Variants in ZFAT observed in about 807,000 individuals in gnomAD.
ZFAT encodes the protein zinc finger and AT-hook domain containing.
A neutral mutation model predicts 117.7 loss-of-function variants in ZFAT; 64 were observed. The observed-to-expected ratio is 0.54, with a 90% CI of 0.44 to 0.67. ZFAT has a LOEUF of 0.67. ZFAT is among the 30% of genes least tolerant of loss of function. The pLI, the probability that ZFAT is intolerant of heterozygous loss-of-function variation, is 0.00. For missense variants in ZFAT, 1,433 were observed against 1,584.5 expected (o/e 0.90, Z 1.62); for synonymous variants, 679 against 615.0 (o/e 1.10, Z -1.54).
rs116972468 is a variant in ZFAT at position 134,497,020 on chromosome 8, T to A, written c.3492+12599A>T. On this transcript the variant is annotated intron_variant, in intron 15 of 15. Transcript: ENST00000377838. Reference sequence around the variant, plus strand: ...ATAGGTCGTGCTCCTTCTTGGAGTGTTTGCTTTTATGCAGAGGCAGCTGCT... The same window carrying A: ...ATAGGTCGTGCTCCTTCTTGGAGTGATTGCTTTTATGCAGAGGCAGCTGCT... 1.9e-4 allele frequency among the ~76,000 whole-genome samples: 29 copies of A among 152,328 alleles called. No homozygotes were observed. In the East Asian group the frequency reaches 5.4e-3, roughly 28 times the overall value.
At chr8:134,621,752 T>G (rs1289268457) in intron 3 of ZFAT, among the ~76,000 whole-genome samples, 1 of 152,188 alleles carries the variant, frequency 6.6e-6, no homozygotes, top group Non-Finnish European at 1.5e-5. Context: ...CCCACACCTG[T>G]CCTCAGTATT....
At chr8:134,536,970 C>T (rs1355179364) in intron 11 of ZFAT, among the ~76,000 whole-genome samples, 1 of 152,192 alleles carries the variant, frequency 6.6e-6, no homozygotes, top group Non-Finnish European at 1.5e-5. Context: ...AAGTTCTTAT[C>T]ATGGTCCAAA....
At chr8:134,668,520 C>T (rs1832369027) in intron 1 of ZFAT, among the ~76,000 whole-genome samples, 1 of 152,218 alleles carries the variant, frequency 6.6e-6, no homozygotes, top group Non-Finnish European at 1.5e-5. Flanking sequence ...CAGCAAACTC[C>T]AACAGACCTG....
chr8:134,673,379 A>G (rs1832649299), intron 1 of ZFAT: 1 of 160,018 alleles, frequency 6.2e-6, no homozygotes, highest in South Asian at 1.8e-4. Context: ...ACTAACAAAC[A>G]CTCAACTTAA....
intron 2 of ZFAT, among the ~76,000 whole-genome samples, chr8:134,650,334 G>T (rs952715874): frequency 4.0e-5 from 6 of 151,700 alleles, no homozygotes; most frequent in South Asian, 2.1e-4. Flanking sequence ...CACCATAATG[G>T]CCAGGCTGGT....
chr8:134,751,462 C>A, the ZFAT span, among the ~76,000 whole-genome samples: 1 of 152,198 alleles, frequency 6.6e-6, no homozygotes, highest in African/African-American at 2.4e-5. Context: ...GAGACCCAGT[C>A]CAAAACTGGG....
chr8:134,648,425 C>T (rs547317322), intron 2 of ZFAT, among the ~76,000 whole-genome samples: 2 of 151,822 alleles, frequency 1.3e-5, no homozygotes, highest in East Asian at 1.9e-4. Context: ...GCTAAACTTA[C>T]CAAGAAAAAA....
At chr8:134,660,190 G>A (rs1429503974) in intron 1 of ZFAT, among the ~76,000 whole-genome samples, 1 of 152,174 alleles carries the variant, frequency 6.6e-6, no homozygotes, top group Admixed American at 6.5e-5. Context: ...TCCAAAGGTA[G>A]GAAACTGAGG....
intron 12 of ZFAT, among the ~76,000 whole-genome samples, chr8:134,528,534 G>A (rs1186327699): frequency 6.6e-6 from 1 of 152,114 alleles, no homozygotes; most frequent in Non-Finnish European, 1.5e-5. Context: ...ATACATCCAA[G>A]GTACACATGC....
chr8:134,513,202 T>G (rs545762360), intron 13 of ZFAT, among the ~76,000 whole-genome samples: 96 of 150,854 alleles, frequency 6.4e-4, no homozygotes, highest in Non-Finnish European at 9.9e-4. Flanking sequence ...TTGTGCTTTT[T>G]TTTTTTTTTT....
chr8:134,484,755 T>C (rs367914041), intron 15 of ZFAT, among the ~76,000 whole-genome samples: 39 of 152,154 alleles, frequency 2.6e-4, no homozygotes, highest in African/African-American at 9.2e-4. Flanking sequence ...GAACGCCAAG[T>C]AGATTTTCCC....
chr8:134,529,185 C>A (rs1821233214), intron 12 of ZFAT, among the ~76,000 whole-genome samples: 1 of 152,276 alleles, frequency 6.6e-6, no homozygotes, highest in Admixed American at 6.5e-5. Flanking sequence ...TTCCAATAAC[C>A]TAGAGAGACT....
chr8:134,527,504 C>T (rs1439276259), intron 12 of ZFAT, among the ~76,000 whole-genome samples: 1 of 152,184 alleles, frequency 6.6e-6, no homozygotes, highest in Non-Finnish European at 1.5e-5. Context: ...TAGAATTTTG[C>T]TGACATTTGC....
chr8:134,611,936 C>T (rs772893691), intron 3 of ZFAT, among the ~76,000 whole-genome samples: 7 of 152,208 alleles, frequency 4.6e-5, no homozygotes, highest in Non-Finnish European at 1.0e-4. Context: ...CACATGGCTA[C>T]CCTTGGCATT....
chr8:134,775,941 T>C, the ZFAT span, among the ~76,000 whole-genome samples: 1 of 152,178 alleles, frequency 6.6e-6, no homozygotes, highest in African/African-American at 2.4e-5. Flanking sequence ...CAAAAGGAAG[T>C]GAAAGGATCC....
chr8:134,733,678 C>A, the ZFAT span, among the ~76,000 whole-genome samples: 1 of 152,234 alleles, frequency 6.6e-6, no homozygotes, highest in African/African-American at 2.4e-5. Flanking sequence ...GGAGGCAGTG[C>A]TGTGTCTCTT....
rs576107382 is a variant in ZFAT at position 134,685,210 on chromosome 8, T to C, written c.20-27473A>G. 2.6e-5 allele frequency among the ~76,000 whole-genome samples: 4 copies of C among 152,126 alleles called. No homozygotes were observed. In the East Asian group the frequency reaches 7.7e-4, roughly 29 times the overall value. ...TTTTTACAGAGGAGAAACCTGGGGC[T>C]CAGGTTAGTGAGCTGCCAAAGAGCC... On this transcript the variant is annotated intron_variant, in intron 1 of 15. Coordinates refer to ENST00000377838, the MANE Select transcript of ZFAT (RefSeq NM_020863.4).
the ZFAT span, among the ~76,000 whole-genome samples, chr8:134,817,861 T>C: frequency 1.3e-5 from 2 of 152,088 alleles, no homozygotes; most frequent in South Asian, 2.1e-4. Flanking sequence ...GAGTCCAAAA[T>C]AGAACTACTA....
At chr8:134,484,111 T>G (rs1817502484) in intron 15 of ZFAT, among the ~76,000 whole-genome samples, 1 of 152,064 alleles carries the variant, frequency 6.6e-6, no homozygotes, top group Admixed American at 6.5e-5. Context: ...ACACCCTCCT[T>G]AAGGAAGGTG....
Sources: gnomAD v4.1 joint callset for allele counts (sites outside exome capture counted in the v4.1 genomes callset) on GRCh38, gnomAD v4.1.1 for gene constraint, MANE v1.5 for transcripts, NCBI Gene and HGNC (gene_info 2026-07-23, HGNC 2026-07-21) for gene names.